The following LINGO2 variants were observed in gnomAD, a reference collection of about 807,000 sequenced individuals.
The protein encoded by LINGO2 is leucine-rich repeat and immunoglobulin-like domain-containing nogo receptor-interacting protein 2.
LINGO2 carries 14 observed loss-of-function variants against 30.6 expected under a neutral mutation model. That is an observed-to-expected ratio of 0.46 (90% CI 0.30 to 0.72). LINGO2 has a LOEUF of 0.72. LINGO2 is among the 30% of genes least tolerant of loss of function. The probability of loss-of-function intolerance (pLI) is 0.07; values close to 1 mark genes in which losing one functional copy is unlikely to be tolerated. For missense variants in LINGO2, 729 were observed against 751.7 expected (o/e 0.97, Z 0.35); for synonymous variants, 317 against 288.5 (o/e 1.10, Z -1.00).
At chr9:28,293,357 C>G (rs1177049287) in intron 4 of LINGO2, among the ~76,000 whole-genome samples, 1 of 152,118 alleles carries the variant, frequency 6.6e-6, no homozygotes, top group Non-Finnish European at 1.5e-5. Flanking sequence ...CTTGACCTCC[C>G]AAAGCACTAA....
At chr9:28,585,070 G>A (rs958323773) in intron 1 of LINGO2, among the ~76,000 whole-genome samples, 6 of 151,918 alleles carry the variant, frequency 3.9e-5, no homozygotes, top group African/African-American at 9.7e-5. Context: ...AAAAAGAGGC[G>A]AGTCATCACA....
chr9:28,734,080 A>C, the LINGO2 span, among the ~76,000 whole-genome samples: 8 of 152,090 alleles, frequency 5.3e-5, no homozygotes, highest in Admixed American at 3.9e-4. Context: ...CTCTCTATAT[A>C]TATATACCTA....
intron 1 of LINGO2, among the ~76,000 whole-genome samples, chr9:28,564,204 T>C (rs1215804722): frequency 2.0e-5 from 3 of 152,116 alleles, no homozygotes; most frequent in African/African-American, 7.2e-5. Flanking sequence ...GGAACAATAG[T>C]CTTTTACATA....
intron 4 of LINGO2, among the ~76,000 whole-genome samples, chr9:28,251,695 A>G (rs1037648609): frequency 2.0e-5 from 3 of 150,992 alleles, no homozygotes; most frequent in Non-Finnish European, 4.4e-5. Context: ...ATTGGCAGAA[A>G]ATTTTACTTT....
intron 2 of LINGO2, among the ~76,000 whole-genome samples, chr9:28,421,381 G>A (rs1277786056): frequency 6.8e-6 from 1 of 146,554 alleles, no homozygotes; most frequent in East Asian, 2.0e-4. Flanking sequence ...CAGATTTAAT[G>A]CAATACCTAT....
intron 1 of LINGO2, among the ~76,000 whole-genome samples, chr9:28,526,072 A>AAAAAAAAAAAAAAAAAAAAC: frequency 1.3e-5 from 2 of 150,650 alleles, no homozygotes; most frequent in African/African-American, 2.4e-5. Context: ...AAAAAAAAAA[A>AAAAAAAAAAAAAAAAAAAAC]AAAAGCCATT....
intron 4 of LINGO2, among the ~76,000 whole-genome samples, chr9:28,080,276 T>C (rs780843555): frequency 1.3e-5 from 2 of 152,374 alleles, no homozygotes; most frequent in African/African-American, 2.4e-5. Context: ...ATTTCTACCA[T>C]GGCATATGAC....
At chr9:29,118,000 A>G in the LINGO2 span, among the ~76,000 whole-genome samples, 1 of 152,218 alleles carries the variant, frequency 6.6e-6, no homozygotes, top group East Asian at 1.9e-4. Context: ...TAAAACAAGA[A>G]GCAGTAGGTT....
chr9:28,471,400 G>A (rs1031437097), intron 2 of LINGO2, among the ~76,000 whole-genome samples: 6 of 152,162 alleles, frequency 3.9e-5, no homozygotes, highest in Admixed American at 3.3e-4. Flanking sequence ...AGTCACTTGA[G>A]AGCAAGAACA....
At chr9:28,636,573 A>T (rs1482730663) in intron 1 of LINGO2, among the ~76,000 whole-genome samples, 1 of 152,210 alleles carries the variant, frequency 6.6e-6, no homozygotes, top group Non-Finnish European at 1.5e-5. Context: ...TCTGATGGCC[A>T]GTGAGGATAA....
intron 1 of LINGO2, among the ~76,000 whole-genome samples, chr9:28,485,877 G>T (rs1826146642): frequency 6.6e-6 from 1 of 152,062 alleles, no homozygotes; most frequent in Non-Finnish European, 1.5e-5. Flanking sequence ...ATACTCAGAA[G>T]ATATAAGTGG....
At chr9:29,125,653 C>A in the LINGO2 span, among the ~76,000 whole-genome samples, 1 of 151,956 alleles carries the variant, frequency 6.6e-6, no homozygotes, top group Non-Finnish European at 1.5e-5. Context: ...CACTTATTGA[C>A]AATTTAACAT....
At chr9:28,973,602 T>A in the LINGO2 span, among the ~76,000 whole-genome samples, 1 of 152,168 alleles carries the variant, frequency 6.6e-6, no homozygotes, top group Non-Finnish European at 1.5e-5. Context: ...TTGCTCCCCC[T>A]TTGCTTCTGC....
At chr9:28,306,906 A>G (rs1824385947) in intron 3 of LINGO2, among the ~76,000 whole-genome samples, 1 of 152,188 alleles carries the variant, frequency 6.6e-6, no homozygotes, top group African/African-American at 2.4e-5. Flanking sequence ...GAATAGACCA[A>G]TAACAAGGTC....
chr9:28,009,288 C>T (rs79994137), intron 5 of LINGO2, among the ~76,000 whole-genome samples: 4,071 of 150,598 alleles, frequency 0.027, 95 homozygotes, highest in Non-Finnish European at 0.04. Flanking sequence ...TAGAAGAACA[C>T]ACAGGAATAC....
At chr9:27,949,477 T>G in exon 6 of LINGO2, 1 of 1,614,056 alleles carries the variant, frequency 6.2e-7, no homozygotes, top group Non-Finnish European at 8.5e-7. Flanking sequence ...GAAAGGGCAG[T>G]GCTATGGAAA....
chr9:28,329,090 G>T lies in LINGO2; in HGVS notation c.-245-33724C>A, dbSNP rs1999423. The stretch of plus-strand genomic sequence containing the variant: ...CAGTCCCAGTATTTCTTGGTGTGTT[G>T]CTCATGTTCATAAATATTTTTGCAT... On this transcript the variant is annotated intron_variant, in intron 3 of 5. Coordinates refer to ENST00000379992, the Ensembl canonical transcript of LINGO2. The surrounding 1 kb of genome is among the most constrained non-coding windows in gnomAD (Gnocchi z 4.5). 0.22 allele frequency among the ~76,000 whole-genome samples: 34,200 copies of T among 152,036 alleles called. 4,047 individuals carry two copies. Among genetic ancestry groups the T allele is most frequent in the South Asian group, 0.32 (1,512 of 4,796 alleles).
At position 28,120,779 on chromosome 9, in the gene LINGO2, A is replaced by T. The variant is rs553986385; in HGVS notation, c.-86-108374T>A. ...TTCTGACAGTTCAAGCCAGCTTATG[A>T]GGAAAAGCCTACTGTTTCAGTTTAC... On this transcript the variant is annotated intron_variant, in intron 4 of 5. Coordinates refer to ENST00000379992, the Ensembl canonical transcript of LINGO2. 2.0e-5 allele frequency among the ~76,000 whole-genome samples: 3 copies of T among 152,332 alleles called. No homozygotes were observed. The South Asian group carries it at 6.2e-4, about 32-fold the overall frequency.
intron 4 of LINGO2, among the ~76,000 whole-genome samples, chr9:28,264,924 G>A (rs1822693072): frequency 2.0e-5 from 3 of 152,030 alleles, no homozygotes; most frequent in South Asian, 4.1e-4. Flanking sequence ...AAGGCCTTAA[G>A]AGCAAAAATT....
Sources: gnomAD v4.1 joint callset for allele counts (sites outside exome capture counted in the v4.1 genomes callset) on GRCh38, gnomAD v4.1.1 for gene constraint, Gnocchi (gnomAD v3.1) non-coding constraint, MANE v1.5 for transcripts, NCBI Gene and HGNC (gene_info 2026-07-23, HGNC 2026-07-21) for gene names.